The following GLB1L2 variants were observed in gnomAD, a reference collection of about 807,000 sequenced individuals.
GLB1L2 encodes the protein galactosidase beta 1 like 2.
In GLB1L2, 68 loss-of-function variants were observed where a neutral mutation model predicts 84.1. The ratio of observed to expected loss-of-function variants is 0.81; its 90% CI spans 0.67 to 0.99. The LOEUF is 0.99. GLB1L2 is among the 50% of genes least tolerant of loss of function. The pLI is 0.00. For missense variants in GLB1L2, 762 were observed against 805.6 expected (o/e 0.95, Z 0.66); for synonymous variants, 290 against 318.0 (o/e 0.91, Z 0.94).
chr11:134,372,267 A>G (rs1943964637), intron 15 of GLB1L2, among the ~76,000 whole-genome samples: 2 of 152,106 alleles, frequency 1.3e-5, no homozygotes. Context: ...ATGTTGGGGG[A>G]GGAGGATGCG....
intron 1 of GLB1L2, 118 bp downstream of exon 1, chr11:134,332,265 T>G (rs1943309663): frequency 1.5e-6 from 1 of 659,192 alleles, no homozygotes; most frequent in Admixed American, 3.0e-5. Context: ...CAGCCCCAGC[T>G]GCTTCTTTCT....
At chr11:134,348,871 A>G (rs1330995651) in intron 5 of GLB1L2, among the ~76,000 whole-genome samples, 1 of 152,202 alleles carries the variant, frequency 6.6e-6, no homozygotes, top group Admixed American at 6.5e-5. Context: ...GCAACCTTAC[A>G]TGGCAGAGAG....
chr11:134,359,379 C>T (rs1943750991), intron 7 of GLB1L2, among the ~76,000 whole-genome samples: 1 of 152,144 alleles, frequency 6.6e-6, no homozygotes. Context: ...CACTCGGGCT[C>T]CAAGGGCACT....
chr11:134,355,636 G>C (rs549954357), intron 5 of GLB1L2, among the ~76,000 whole-genome samples: 2 of 152,234 alleles, frequency 1.3e-5, no homozygotes, highest in Non-Finnish European at 2.9e-5. Flanking sequence ...TCTCACCCCA[G>C]CTTCTTCTTG....
chr11:134,363,745 G>C (rs1023328486), intron 7 of GLB1L2, among the ~76,000 whole-genome samples: 1 of 152,214 alleles, frequency 6.6e-6, no homozygotes, highest in South Asian at 2.1e-4. Flanking sequence ...GGAACAGAGT[G>C]CATGCTCGGC....
At chr11:134,345,191 T>A in intron 4 of GLB1L2, 62 bp downstream of exon 4, 1 of 1,474,790 alleles carries the variant, frequency 6.8e-7, no homozygotes, top group Non-Finnish European at 9.1e-7. Flanking sequence ...ATAGGTCTGG[T>A]TTGTTTCTGT....
chr11:134,353,564 A>G (rs949602263), intron 5 of GLB1L2, among the ~76,000 whole-genome samples: 2 of 151,516 alleles, frequency 1.3e-5, no homozygotes, highest in African/African-American at 4.8e-5. Flanking sequence ...CTGGTCCATA[A>G]TATTGTCTAG....
intron 5 of GLB1L2, among the ~76,000 whole-genome samples, chr11:134,351,346 T>TTTC (rs1491220419): frequency 7.5e-5 from 4 of 53,356 alleles, no homozygotes; most frequent in East Asian, 2.0e-3. Context: ...TTTTTCTTTC[T>TTTC]TTTTTTTTTT....
chr11:134,373,440 GGTT>G (rs1943982807), intron 15 of GLB1L2, among the ~76,000 whole-genome samples: 1 of 152,218 alleles, frequency 6.6e-6, no homozygotes, highest in Admixed American at 6.5e-5. Context: ...AGAGGCCAGA[GGTT>G]GTTCTCGCCC....
intron 7 of GLB1L2, among the ~76,000 whole-genome samples, chr11:134,363,212 A>T (rs1943821368): frequency 6.6e-6 from 1 of 152,140 alleles, no homozygotes; most frequent in Non-Finnish European, 1.5e-5. Flanking sequence ...GAGCTATGGT[A>T]TGGTGTCAGG....
chr11:134,341,330 G>T (rs1044097048), intron 1 of GLB1L2, among the ~76,000 whole-genome samples: 2 of 152,126 alleles, frequency 1.3e-5, no homozygotes, highest in African/African-American at 4.8e-5. Flanking sequence ...CATTAGACTC[G>T]TTTTATAGAG....
At chr11:134,342,115 T>G (rs1450554902) in intron 1 of GLB1L2, among the ~76,000 whole-genome samples, 1 of 152,110 alleles carries the variant, frequency 6.6e-6, no homozygotes, top group South Asian at 2.1e-4. Context: ...ACCGAGTCAC[T>G]GGGACCCGGC....
rs1331018664 is a variant in GLB1L2 at position 134,370,068 on chromosome 11, G to A, written c.1108+183G>A. On this transcript the variant is annotated intron_variant, in intron 11 of 18. Transcript: ENST00000535456. This position sits in a 1 kb window ranked among gnomAD's most constrained non-coding sequence, Gnocchi z 4.7. ...ATCTTGCCGGCTTCACCTGTTACAG[G>A]TGTTAACGCTCCTTATCTCCTGTGG... Among the ~76,000 whole-genome samples, 1 of 152,150 alleles carries A rather than the reference G, an allele frequency of 6.6e-6. No individual in the cohort carries two copies. Among genetic ancestry groups the A allele is most frequent in the Non-Finnish European group, 1.5e-5 (1 of 68,038 alleles).
chr11:134,364,546 C>A, intron 8 of GLB1L2, 148 bp downstream of exon 8: 1 of 660,650 alleles, frequency 1.5e-6, no homozygotes, highest in Non-Finnish European at 2.6e-6. Context: ...CCACTGTGTG[C>A]CTGCAAGGCC....
At chr11:134,366,628 G>A (rs1053019386) in intron 8 of GLB1L2, among the ~76,000 whole-genome samples, 2 of 152,204 alleles carry the variant, frequency 1.3e-5, no homozygotes, top group African/African-American at 2.4e-5. Context: ...GCCGTCCTAT[G>A]CCAAAGTCAG....
intron 18 of GLB1L2, 26 bp from the exon 19 acceptor site, chr11:134,374,946 C>T (rs562882627): frequency 5.1e-5 from 82 of 1,605,116 alleles, no homozygotes; most frequent in Non-Finnish European, 6.7e-5. Flanking sequence ...GTCAGCTGCC[C>T]TCCCAGCCGG....
At chr11:134,351,345 CTT>C (rs367790049) in intron 5 of GLB1L2, among the ~76,000 whole-genome samples, 2,963 of 129,002 alleles carry the variant, frequency 0.023, 77 homozygotes, top group African/African-American at 0.08. Flanking sequence ...CTTTTTCTTT[CTT>C]TTTTTTTTTT....
intron 7 of GLB1L2, among the ~76,000 whole-genome samples, chr11:134,361,990 A>G (rs1943798984): frequency 1.3e-5 from 2 of 151,964 alleles, no homozygotes; most frequent in Non-Finnish European, 2.9e-5. Context: ...CGGCCCAGTT[A>G]CGCTCACCAT....
Position 134,359,129 on chromosome 11 carries a change from AT to A in GLB1L2, c.723del (p.Ile241MetfsTer20). On this transcript the variant is annotated frameshift_variant, in exon 7 of 19. Coordinates refer to ENST00000535456, the MANE Select transcript of GLB1L2 (RefSeq NM_001370461.1). LOFTEE classifies it high-confidence loss of function. ...SDNKDGLSKG[I>X]VQGVLATINL... ...CAACAAGGATGGGCTGAGCAAGGGGATTGTCCAGGGAGGTAACTGCACTTGT... is the reference window on the plus strand; with the variant it reads ...CAACAAGGATGGGCTGAGCAAGGGGATGTCCAGGGAGGTAACTGCACTTGT... The A allele has an allele frequency of 6.2e-7, 1 of 1,603,424 alleles. No individual in the cohort carries two copies. Among genetic ancestry groups the A allele is most frequent in the Non-Finnish European group, 8.5e-7 (1 of 1,174,722 alleles).
Sources: gnomAD v4.1 joint callset for allele counts (sites outside exome capture counted in the v4.1 genomes callset) on GRCh38, gnomAD v4.1.1 for gene constraint, Gnocchi (gnomAD v3.1) non-coding constraint, MANE v1.5 for transcripts, NCBI Gene and HGNC (gene_info 2026-07-23, HGNC 2026-07-21) for gene names.